The following STMND1 variants were observed in gnomAD, a reference collection of about 807,000 sequenced individuals.
STMND1 encodes stathmin domain-containing protein 1.
A neutral mutation model predicts 23.0 loss-of-function variants in STMND1; 17 were observed. The observed-to-expected ratio is 0.74, with a 90% CI of 0.51 to 1.11. The LOEUF is 1.11. Ranked by LOEUF, STMND1 falls within the 50% of genes least tolerant of loss-of-function variation. The pLI is 0.00. For synonymous variants in STMND1, 114 were observed against 119.9 expected, an observed-to-expected ratio of 0.95 and a Z score of 0.32; for missense variants, 305 against 329.1, an observed-to-expected ratio of 0.93 and a Z score of 0.57.
At chr6:17,115,472 C>T (rs1306606827) in intron 2 of STMND1, among the ~76,000 whole-genome samples, 4 of 151,592 alleles carry the variant, frequency 2.6e-5, no homozygotes, top group African/African-American at 4.8e-5. Flanking sequence ...TTTAAACTCC[C>T]ACGATGATAA....
At chr6:17,128,981 G>A (rs144144331) in intron 3 of STMND1, 131 bp from the exon 4 acceptor site, 94 of 920,644 alleles carry the variant, frequency 1.0e-4, no homozygotes, top group East Asian at 2.8e-4. Flanking sequence ...CCAAAGTGCC[G>A]GGATTACAGG....
intron 1 of STMND1, among the ~76,000 whole-genome samples, 198 bp downstream of exon 1, chr6:17,102,536 C>G (rs1045358846): frequency 6.6e-6 from 1 of 152,110 alleles, no homozygotes; most frequent in Non-Finnish European, 1.5e-5. Context: ...GCATAAATAT[C>G]AAAATATATC....
chr6:17,102,157 G>GGGCGCAGGAGCGCGGGACCACC lies in STMND1; in HGVS notation c.-95_-74dup. 1 of 1,222,548 alleles carries GGGCGCAGGAGCGCGGGACCACC rather than the reference G, an allele frequency of 8.2e-7. No homozygotes were observed. The highest frequency in any genetic ancestry group is 1.9e-5 in the South Asian group (1 of 52,450). The allele number at this position is 1,222,548 out of a possible 1,614,324, so 75.7% of individuals were successfully genotyped here. Reference sequence around the variant, plus strand: ...CGCAGTAGCAGGGGCGTAGGGCGCAGGGCGCAGGAGCGCGGGACCACCGGC... The same window carrying GGGCGCAGGAGCGCGGGACCACC: ...CGCAGTAGCAGGGGCGTAGGGCGCAGGGCGCAGGAGCGCGGGACCACCGGCGCAGGAGCGCGGGACCACCGGC... On this transcript the variant is annotated 5_prime_UTR_variant, in exon 1 of 5. Coordinates refer to ENST00000536551, the MANE Select transcript of STMND1 (RefSeq NM_001190766.2).
intron 3 of STMND1, 60 bp from the exon 4 acceptor site, chr6:17,129,052 C>G (rs1190930693): frequency 2.7e-6 from 4 of 1,482,942 alleles, no homozygotes; most frequent in Non-Finnish European, 3.6e-6. Context: ...AACTCTTTTG[C>G]CCTTCTCTTC....
At chr6:17,120,867 C>A in intron 3 of STMND1, 109 bp downstream of exon 3, 1 of 895,502 alleles carries the variant, frequency 1.1e-6, no homozygotes, top group Non-Finnish European at 1.6e-6. Context: ...CAGATAACAG[C>A]ATTTATTTAA....
At chr6:17,116,779 C>T (rs1193921519) in intron 2 of STMND1, among the ~76,000 whole-genome samples, 1 of 152,126 alleles carries the variant, frequency 6.6e-6, no homozygotes, top group African/African-American at 2.4e-5. Flanking sequence ...CACTAACATT[C>T]CCCAAGTGTT....
At chr6:17,114,918 T>A in intron 1 of STMND1, 44 bp from the exon 2 acceptor site, 1 of 1,476,494 alleles carries the variant, frequency 6.8e-7, no homozygotes, top group Admixed American at 2.4e-5. Context: ...TGTTTTTATT[T>A]ACCAAGAAAT....
At chr6:17,109,005 C>T (rs956879966) in intron 1 of STMND1, among the ~76,000 whole-genome samples, 8 of 152,072 alleles carry the variant, frequency 5.3e-5, no homozygotes, top group Admixed American at 2.6e-4. Context: ...AAAACACACA[C>T]ATATATATAA....
intron 1 of STMND1, 121 bp downstream of exon 1, chr6:17,102,459 GT>G: frequency 1.7e-6 from 2 of 1,160,528 alleles, no homozygotes; most frequent in Non-Finnish European, 2.4e-6. Flanking sequence ...GTCGAGGCTA[GT>G]TAACAGGTGG....
intron 2 of STMND1, among the ~76,000 whole-genome samples, chr6:17,120,283 G>C (rs540436887): frequency 6.6e-6 from 1 of 152,128 alleles, no homozygotes; most frequent in East Asian, 1.9e-4. Flanking sequence ...ATAATTGGTC[G>C]AGCAAACCAA....
At chr6:17,129,291 A>C (rs1561926490) in intron 4 of STMND1, 48 bp downstream of exon 4, 3 of 1,522,110 alleles carry the variant, frequency 2.0e-6, no homozygotes, top group Non-Finnish European at 2.6e-6. Context: ...GCTGTCTGTT[A>C]AAATGATCTC....
chr6:17,110,909 T>C (rs1168674461), intron 1 of STMND1: 1 of 455,746 alleles, frequency 2.2e-6, no homozygotes, highest in Non-Finnish European at 4.4e-6. Context: ...GAGAAGACCT[T>C]GATAGCATCC....
At chr6:17,129,874 A>T (rs1761365481) in intron 4 of STMND1, among the ~76,000 whole-genome samples, 1 of 151,880 alleles carries the variant, frequency 6.6e-6, no homozygotes, top group Non-Finnish European at 1.5e-5. Flanking sequence ...TTGTTTAGAG[A>T]TGGGGTCTCA....
At chr6:17,108,510 T>C (rs1386722347) in intron 1 of STMND1, among the ~76,000 whole-genome samples, 1 of 152,142 alleles carries the variant, frequency 6.6e-6, no homozygotes, top group Non-Finnish European at 1.5e-5. Context: ...CAAAAAATGA[T>C]GGATCTGCAA....
rs990457515 is a variant in STMND1, at chr6:17,130,742, A to C, written c.692A>C (p.Asp231Ala). Residue 231 changes from aspartate (D) to alanine (A), a missense_variant, in exon 5 of 5, where the codon GAC becomes GCC. By Grantham distance (126) the Asp-to-Ala change is moderately radical. Transcript: ENST00000536551. ...AGGTCTGCTGGATTTGAACCATCTG[A>C]CCTGCAGGGAGGAAAACCATTGAAG... is the stretch of plus-strand genomic sequence containing the variant. ...RVRSAGFEPSDLQGGKPLKRK... is the reference protein window; with the variant it reads ...RVRSAGFEPSALQGGKPLKRK... 4 of 1,535,922 alleles carry C rather than the reference A, an allele frequency of 2.6e-6. No homozygotes were observed. The African/African-American group carries it at 5.5e-5, about 21-fold the overall frequency.
intron 3 of STMND1, chr6:17,128,548 T>C (rs1022990613): frequency 2.0e-5 from 3 of 152,278 alleles, no homozygotes; most frequent in Non-Finnish European, 4.4e-5. Flanking sequence ...TCATCTTCTA[T>C]GCAGTCTGAG....
At chr6:17,109,856 G>A (rs1761074664) in intron 1 of STMND1, among the ~76,000 whole-genome samples, 1 of 152,146 alleles carries the variant, frequency 6.6e-6, no homozygotes, top group South Asian at 2.1e-4. Context: ...GATTTTTCTA[G>A]AAAACCCTCC....
At chr6:17,107,751 C>T (rs567679775) in intron 1 of STMND1, among the ~76,000 whole-genome samples, 1 of 152,272 alleles carries the variant, frequency 6.6e-6, no homozygotes, top group South Asian at 2.1e-4. Flanking sequence ...TATGAGCCAT[C>T]ATGCCCGGCT....
At chr6:17,106,337 C>T (rs1003071128) in intron 1 of STMND1, among the ~76,000 whole-genome samples, 1 of 152,168 alleles carries the variant, frequency 6.6e-6, no homozygotes, top group African/African-American at 2.4e-5. Context: ...GCGGTTACCT[C>T]CTTGAGGACA....
Sources: allele counts gnomAD v4.1 joint callset (sites outside exome capture counted in the v4.1 genomes callset), GRCh38; gene constraint gnomAD v4.1.1; transcripts MANE v1.5; gene names NCBI Gene and HGNC (gene_info 2026-07-23, HGNC 2026-07-21).